The following SH3PXD2B variants were observed in gnomAD, a reference collection of about 807,000 sequenced individuals.
SH3PXD2B encodes SH3 and PX domain-containing protein 2B.
In SH3PXD2B, 37 loss-of-function variants were observed where a neutral mutation model predicts 73.1. The observed-to-expected ratio is 0.51, with a 90% CI of 0.39 to 0.67. The LOEUF (loss-of-function observed/expected upper bound fraction) is 0.67, where lower values mean the gene tolerates loss of function less well. Ranked by LOEUF, SH3PXD2B falls within the 30% of genes least tolerant of loss-of-function variation. SH3PXD2B has a pLI of 0.00. For missense variants in SH3PXD2B, 1,053 were observed against 1,197.8 expected, an observed-to-expected ratio of 0.88 and a Z score of 1.78; for synonymous variants, 457 against 480.5, an observed-to-expected ratio of 0.95 and a Z score of 0.64.
intron 9 of SH3PXD2B, among the ~76,000 whole-genome samples, chr5:172,351,760 A>G (rs1203650073): frequency 6.7e-6 from 1 of 149,272 alleles, no homozygotes; most frequent in Non-Finnish European, 1.5e-5. Context: ...AGAACTAAAT[A>G]GCATTGGGTT....
downstream of SH3PXD2B, among the ~76,000 whole-genome samples, chr5:172,329,819 A>G (rs141712285): frequency 1.4e-4 from 22 of 152,232 alleles, no homozygotes; most frequent in East Asian, 2.9e-3. Context: ...TTACAGGCGT[A>G]AGCCACTGTG....
intron 1 of SH3PXD2B, among the ~76,000 whole-genome samples, chr5:172,437,669 A>G (rs1191015944): frequency 6.6e-6 from 1 of 152,222 alleles, no homozygotes; most frequent in African/African-American, 2.4e-5. Context: ...GCAGGCTGCC[A>G]ATATTTTTTT....
At chr5:172,432,774 T>C (rs1332095712) in intron 1 of SH3PXD2B, among the ~76,000 whole-genome samples, 2 of 152,032 alleles carry the variant, frequency 1.3e-5, no homozygotes, top group African/African-American at 4.8e-5. Flanking sequence ...TAGCCAGGCA[T>C]GGTGGTGCAT....
rs201056900 is a variant in SH3PXD2B, at chr5:172,362,869, C to G, written c.428G>C (p.Gly143Ala). The change falls in exon 7 of 13, where the codon GGG becomes GCG. Residue 143 changes from glycine (G) to alanine (A), a missense_variant and splice_region_variant. Gly to Ala is a moderately conservative substitution (Grantham distance 60). Coordinates refer to ENST00000311601, the MANE Select transcript of SH3PXD2B (RefSeq NM_001017995.3). ...KEEHIGKKKS[G>A]GDQTSVDPMV... ...GGGGTCCACTGAGGTTTGGTCACCC[C>G]CTGTGGATAGGAAACAGACATGACA... The G allele has an allele frequency of 6.2e-7, 1 of 1,614,090 alleles. No homozygotes were observed. Among genetic ancestry groups the G allele is most frequent in the African/African-American group, 1.3e-5 (1 of 75,022 alleles).
intron 1 of SH3PXD2B, among the ~76,000 whole-genome samples, chr5:172,444,692 C>T (rs1177987087): frequency 6.6e-6 from 1 of 152,184 alleles, no homozygotes; most frequent in East Asian, 1.9e-4. Flanking sequence ...CTGCACATGG[C>T]TCATTTGGAC....
chr5:172,435,419 G>A (rs1189496472), intron 1 of SH3PXD2B, among the ~76,000 whole-genome samples: 4 of 135,876 alleles, frequency 2.9e-5, no homozygotes, highest in Admixed American at 7.3e-5. Context: ...ACTGTATCTG[G>A]AGGTATTTGT....
At chr5:172,439,706 A>G (rs867102779) in intron 1 of SH3PXD2B, among the ~76,000 whole-genome samples, 19 of 147,118 alleles carry the variant, frequency 1.3e-4, no homozygotes, top group African/African-American at 4.6e-4. Flanking sequence ...ACACACACAC[A>G]CACACACACA....
intron 6 of SH3PXD2B, among the ~76,000 whole-genome samples, chr5:172,373,013 C>T (rs17074704): frequency 0.028 from 4,202 of 152,264 alleles, 209 homozygotes; most frequent in African/African-American, 0.097. Context: ...TCTGTGCATA[C>T]GCAATTTCCC....
intron 4 of SH3PXD2B, among the ~76,000 whole-genome samples, chr5:172,382,929 G>A (rs925181193): frequency 2.6e-5 from 4 of 151,772 alleles, no homozygotes; most frequent in African/African-American, 9.7e-5. Context: ...GTAGAGACAG[G>A]GTTTCGGCAT....
At chr5:172,331,173 C>T (rs561969542), downstream of SH3PXD2B, among the ~76,000 whole-genome samples, 9 of 152,142 alleles carry the variant, frequency 5.9e-5, no homozygotes, top group African/African-American at 1.9e-4. Flanking sequence ...CCAGCTTGGG[C>T]GACAGAGCGA....
At chr5:172,450,552 G>C (rs368631417) in intron 1 of SH3PXD2B, among the ~76,000 whole-genome samples, 3 of 151,916 alleles carry the variant, frequency 2.0e-5, no homozygotes, top group African/African-American at 7.3e-5. Context: ...TCAGGTTACC[G>C]AGGACACTTT....
intron 3 of SH3PXD2B, among the ~76,000 whole-genome samples, chr5:172,395,428 G>A (rs1363730210): frequency 6.6e-6 from 1 of 152,216 alleles, no homozygotes; most frequent in Non-Finnish European, 1.5e-5. Flanking sequence ...TTAACTGAGA[G>A]TCCATGACCT....
At chr5:172,378,606 C>T (rs1181345840) in intron 5 of SH3PXD2B, among the ~76,000 whole-genome samples, 1 of 152,220 alleles carries the variant, frequency 6.6e-6, no homozygotes, top group African/African-American at 2.4e-5. Flanking sequence ...CTGCTCCTTC[C>T]TCTGCCCTTG....
At chr5:172,389,528 C>T (rs1046834644) in intron 4 of SH3PXD2B, among the ~76,000 whole-genome samples, 3 of 137,718 alleles carry the variant, frequency 2.2e-5, no homozygotes, top group South Asian at 2.3e-4. Context: ...CCTAGGAATT[C>T]GAGACCAGCC....
At chr5:172,450,855 T>A (rs1759780151) in intron 1 of SH3PXD2B, among the ~76,000 whole-genome samples, 1 of 152,188 alleles carries the variant, frequency 6.6e-6, no homozygotes, top group African/African-American at 2.4e-5. Flanking sequence ...CGGGCTCTAG[T>A]GCAGGAAAGA....
At chr5:172,454,195 C>T in intron 1 of SH3PXD2B, 83 bp downstream of exon 1, 2 of 1,228,266 alleles carry the variant, frequency 1.6e-6, no homozygotes, top group African/African-American at 1.5e-5. Flanking sequence ...GCGCTGGAGG[C>T]AGAAGTTTTC....
chr5:172,346,040 C>T, intron 12 of SH3PXD2B, 96 bp downstream of exon 12: 22 of 1,570,126 alleles, frequency 1.4e-5, no homozygotes, highest in Non-Finnish European at 1.9e-5. Context: ...CCCACCTCCA[C>T]CCACCCAGTG....
rs889970327 is a variant in SH3PXD2B at position 172,432,934 on chromosome 5, G to A, written c.76-10438C>T. The stretch of plus-strand genomic sequence containing the variant: ...CTGTCTCAAAAAAAAAAGGGGGGGG[G>A]GGGGGAAGAATTGACTGTACCATAT... On this transcript the variant is annotated intron_variant, in intron 1 of 12. Coordinates refer to ENST00000311601, the MANE Select transcript of SH3PXD2B (RefSeq NM_001017995.3). 8.9e-4 allele frequency among the ~76,000 whole-genome samples: 127 copies of A among 142,958 alleles called. 2 individuals carry two copies. The highest frequency in any genetic ancestry group is 3.0e-3 in the African/African-American group (118 of 39,564). 93.8% of individuals were successfully genotyped at this position (142,958 alleles called of 152,430 possible).
chr5:172,332,256 C>CTTTTTTT (rs57471345), downstream of SH3PXD2B, among the ~76,000 whole-genome samples: 4 of 143,016 alleles, frequency 2.8e-5, 1 homozygote, highest in African/African-American at 7.8e-5. Flanking sequence ...TTTTTCCTTC[C>CTTTTTTT]TTTTTTTTTT....
Sources: allele counts gnomAD v4.1 joint callset (sites outside exome capture counted in the v4.1 genomes callset), GRCh38; gene constraint gnomAD v4.1.1; transcripts MANE v1.5; gene names NCBI Gene and HGNC (gene_info 2026-07-23, HGNC 2026-07-21).